The following NDFIP1 variants were observed in gnomAD, a reference collection of about 807,000 sequenced individuals.
NDFIP1 encodes NEDD4 family-interacting protein 1.
NDFIP1 carries 7 observed loss-of-function variants against 28.8 expected under a neutral mutation model. That is an observed-to-expected ratio of 0.24 (90% confidence interval 0.14 to 0.46). The LOEUF is 0.46. Ranked by LOEUF, NDFIP1 falls within the 20% of genes least tolerant of loss-of-function variation. The pLI is 0.99. For missense variants in NDFIP1, 194 were observed against 269.1 expected (o/e 0.72, Z 1.95); for synonymous variants, 92 against 101.0 (o/e 0.91, Z 0.53).
chr5:142,139,973 A>G (rs537605433), intron 5 of NDFIP1, among the ~76,000 whole-genome samples: 1 of 152,366 alleles, frequency 6.6e-6, no homozygotes, highest in East Asian at 1.9e-4. Context: ...TAAAAAAACC[A>G]ATTTTTGTAT....
chr5:142,112,017 A>G (rs1486396581), intron 1 of NDFIP1, among the ~76,000 whole-genome samples: 1 of 151,176 alleles, frequency 6.6e-6, no homozygotes, highest in African/African-American at 2.4e-5. Flanking sequence ...CAGTGAGCCA[A>G]GATTGTGCCA....
At chr5:142,134,672 C>A (rs1381648664) in intron 3 of NDFIP1, among the ~76,000 whole-genome samples, 2 of 152,140 alleles carry the variant, frequency 1.3e-5, no homozygotes, top group African/African-American at 4.8e-5. Context: ...AAATCTATCA[C>A]TTTTAAGTAT....
chr5:142,141,441 G>T (rs1343917229), intron 6 of NDFIP1, among the ~76,000 whole-genome samples: 1 of 151,974 alleles, frequency 6.6e-6, no homozygotes, highest in Non-Finnish European at 1.5e-5. Flanking sequence ...CTCCCAAAGT[G>T]CTGGGATTAC....
chr5:142,128,494 A>G, intron 1 of NDFIP1, among the ~76,000 whole-genome samples: 1 of 152,182 alleles, frequency 6.6e-6, no homozygotes, highest in East Asian at 1.9e-4. Context: ...AAAAAGATGT[A>G]TATTTAAGGA....
intron 5 of NDFIP1, chr5:142,138,074 C>A: frequency 2.3e-6 from 1 of 441,606 alleles, no homozygotes; most frequent in South Asian, 4.1e-5. Context: ...ACTGGTCTAT[C>A]ATTAATATTG....
At position 142,108,850 on chromosome 5, in the gene NDFIP1, GC is replaced by G; in HGVS notation, c.-124del. 1.3e-6 allele frequency: 1 copy of G among 745,584 alleles called. No individual in the cohort carries two copies. The highest frequency in any genetic ancestry group is 4.4e-5 in the Admixed American group (1 of 22,792). The allele number at this position is 745,584 out of a possible 1,614,324, so 46.2% of individuals were successfully genotyped here. ...GAGAAGAGCGTCTCGCCCGGGAGCG[GC>G]GGCGGCCATCGAGACCCACCCAAGG... is the stretch of plus-strand genomic sequence containing the variant. On this transcript the variant is annotated 5_prime_UTR_variant, in exon 1 of 8. Transcript: ENST00000253814.
chr5:142,141,168 C>CTTTTT (rs1161113130), intron 6 of NDFIP1, among the ~76,000 whole-genome samples: 2 of 59,956 alleles, frequency 3.3e-5, no homozygotes, highest in Admixed American at 2.5e-4. Context: ...GGCAAGAGGA[C>CTTTTT]TTTTTTTTTT....
chr5:142,117,950 C>A (rs77048091), intron 1 of NDFIP1, among the ~76,000 whole-genome samples: 1 of 152,000 alleles, frequency 6.6e-6, no homozygotes, highest in Non-Finnish European at 1.5e-5. Context: ...CCCAGGCTGG[C>A]GTCAAACTCC....
intron 1 of NDFIP1, among the ~76,000 whole-genome samples, chr5:142,116,521 A>G (rs772766967): frequency 6.6e-6 from 1 of 151,940 alleles, no homozygotes. Flanking sequence ...GGTGCCCGCC[A>G]GCAGGCCCGG....
chr5:142,140,308 CATG>C (rs1443413698), intron 5 of NDFIP1, among the ~76,000 whole-genome samples: 1 of 151,934 alleles, frequency 6.6e-6, no homozygotes, highest in East Asian at 1.9e-4. Flanking sequence ...GTTAGCCAGG[CATG>C]GTGGTATATG....
intron 1 of NDFIP1, among the ~76,000 whole-genome samples, chr5:142,122,887 C>T (rs966485204): frequency 6.6e-6 from 1 of 152,038 alleles, no homozygotes; most frequent in Non-Finnish European, 1.5e-5. Context: ...AATATATCCT[C>T]CCGCTCTTTG....
chr5:142,112,304 G>C (rs555754735), intron 1 of NDFIP1, among the ~76,000 whole-genome samples: 2 of 152,000 alleles, frequency 1.3e-5, no homozygotes, highest in South Asian at 4.2e-4. Context: ...AGAATCGCTT[G>C]AACCTGGGAG....
chr5:142,139,011 A>G (rs1757301575), intron 5 of NDFIP1, among the ~76,000 whole-genome samples: 2 of 151,752 alleles, frequency 1.3e-5, no homozygotes, highest in Non-Finnish European at 1.5e-5. Flanking sequence ...AAGTCAGGAG[A>G]TCGAGACCAT....
At chr5:142,132,765 C>T (rs371399031) in intron 3 of NDFIP1, among the ~76,000 whole-genome samples, 3 of 152,144 alleles carry the variant, frequency 2.0e-5, no homozygotes, top group South Asian at 2.1e-4. Flanking sequence ...AGATGAACTC[C>T]GTTCTTCCAG....
chr5:142,112,659 C>T (rs1757026944), intron 1 of NDFIP1, among the ~76,000 whole-genome samples: 1 of 147,856 alleles, frequency 6.8e-6, no homozygotes, highest in South Asian at 2.1e-4. Context: ...GGCGTGGTGG[C>T]ACGTGCCTGT....
rs1027274387 is a variant in NDFIP1, at chr5:142,153,001, T to A, written c.*1273T>A. 3.3e-6 allele frequency: 1 copy of A among 298,918 alleles called. No homozygotes were observed. The highest frequency in any genetic ancestry group is 2.2e-5 in the African/African-American group (1 of 45,610). 18.5% of individuals were successfully genotyped at this position (298,918 alleles called of 1,614,324 possible). ...TGTAAAAGATAATGGACTAAAAAAG[T>A]AGAGAGGAGTTGTAGAGATCTTAAA... On this transcript the variant is annotated 3_prime_UTR_variant, in exon 8 of 8. Coordinates refer to ENST00000253814, the MANE Select transcript of NDFIP1 (RefSeq NM_030571.4).
At chr5:142,132,408 A>G (rs940200367) in intron 3 of NDFIP1, 66 bp downstream of exon 3, 18 of 1,550,904 alleles carry the variant, frequency 1.2e-5, no homozygotes, top group Middle Eastern at 1.7e-4. Flanking sequence ...TCATTATCCA[A>G]TTTTGATTCG....
intron 1 of NDFIP1, among the ~76,000 whole-genome samples, chr5:142,112,302 T>A (rs1486962616): frequency 6.6e-6 from 1 of 150,950 alleles, no homozygotes; most frequent in Non-Finnish European, 1.5e-5. Flanking sequence ...GGAGAATCGC[T>A]TGAACCTGGG....
chr5:142,124,244 A>C (rs1757148117), intron 1 of NDFIP1, among the ~76,000 whole-genome samples: 1 of 152,022 alleles, frequency 6.6e-6, no homozygotes, highest in East Asian at 1.9e-4. Context: ...TTCTGGTGCC[A>C]CCCCAAAACC....
Sources: allele counts gnomAD v4.1 joint callset (sites outside exome capture counted in the v4.1 genomes callset), GRCh38; gene constraint gnomAD v4.1.1; transcripts MANE v1.5; gene names NCBI Gene and HGNC (gene_info 2026-07-23, HGNC 2026-07-21).